The following ZNF652 variants were observed in gnomAD, a reference collection of about 807,000 sequenced individuals.
ZNF652 encodes zinc finger protein 652.
ZNF652 carries 16 observed loss-of-function variants against 45.2 expected under a neutral mutation model. The ratio of observed to expected loss-of-function variants is 0.35; its 90% CI spans 0.24 to 0.54. ZNF652 has a LOEUF of 0.54. Ranked by LOEUF, ZNF652 falls within the 20% of genes least tolerant of loss-of-function variation. The pLI is 0.91. For synonymous variants in ZNF652, 250 were observed against 260.6 expected, an observed-to-expected ratio of 0.96 and a Z score of 0.39; for missense variants, 614 against 765.6, an observed-to-expected ratio of 0.80 and a Z score of 2.34.
rs2069391919 is a variant in ZNF652 at position 49,290,549 on chromosome 17, C to T, written c.*7864G>A. Reference sequence around the variant, plus strand: ...CAGAGTTCCCCCAGTGCTCTTGTTCCTCCTATAGATGTGATGGTGGTGGCC... The same window carrying T: ...CAGAGTTCCCCCAGTGCTCTTGTTCTTCCTATAGATGTGATGGTGGTGGCC... On this transcript the variant is annotated 3_prime_UTR_variant, in exon 6 of 6. Coordinates refer to ENST00000430262, the MANE Select transcript of ZNF652 (RefSeq NM_001145365.3). The T allele has an allele frequency of 6.6e-6, 1 of 152,260 alleles. No individual in the cohort carries two copies. Among genetic ancestry groups the T allele is most frequent in the South Asian group, 2.1e-4 (1 of 4,832 alleles). The allele number at this position is 152,260 out of a possible 1,614,324, so 9.4% of individuals were successfully genotyped here.
intron 5 of ZNF652, among the ~76,000 whole-genome samples, chr17:49,305,310 T>C (rs898875633): frequency 1.3e-5 from 2 of 152,194 alleles, no homozygotes; most frequent in Non-Finnish European, 2.9e-5. Flanking sequence ...TTCGTTGCCA[T>C]TACCATAAAT....
chr17:49,344,374 GA>G (rs1019972327), intron 1 of ZNF652, among the ~76,000 whole-genome samples: 2 of 150,032 alleles, frequency 1.3e-5, no homozygotes, highest in African/African-American at 4.9e-5. Context: ...CAAAAAACAA[GA>G]AAAAAAAATT....
At chr17:49,306,879 A>G (rs2069636648) in intron 5 of ZNF652, among the ~76,000 whole-genome samples, 1 of 151,990 alleles carries the variant, frequency 6.6e-6, no homozygotes, top group African/African-American at 2.4e-5. Flanking sequence ...CAGCCTCTTG[A>G]GTAGCTGGGA....
At chr17:49,327,596 A>T (rs1019543031) in intron 1 of ZNF652, among the ~76,000 whole-genome samples, 1 of 151,136 alleles carries the variant, frequency 6.6e-6, no homozygotes, top group East Asian at 2.0e-4. Flanking sequence ...ATAGCATAGC[A>T]GACCAGGCAC....
intron 1 of ZNF652, among the ~76,000 whole-genome samples, chr17:49,344,443 T>C (rs185359128): frequency 1.3e-5 from 2 of 151,846 alleles, no homozygotes; most frequent in Non-Finnish European, 2.9e-5. Flanking sequence ...TGTTTTTTAA[T>C]ATATATAATA....
Position 49,294,738 on chromosome 17 carries a change from C to A in ZNF652, c.*3675G>T, listed in dbSNP as rs989833929. The A allele has an allele frequency of 6.6e-6, 1 of 152,124 alleles. No individual in the cohort carries two copies. Among genetic ancestry groups the A allele is most frequent in the Admixed American group, 6.5e-5 (1 of 15,282 alleles). The allele number at this position is 152,124 out of a possible 1,614,324, so 9.4% of individuals were successfully genotyped here. A position where few individuals can be genotyped will look rare whatever the true frequency, so the allele number is the denominator to read the frequency against. ...GTCTTAACCCTAGCAATGATACAAG[C>A]CTTTGAAGACAGTAAAACTAAGTAA... On this transcript the variant is annotated 3_prime_UTR_variant, in exon 6 of 6. Transcript: ENST00000430262.
intron 5 of ZNF652, among the ~76,000 whole-genome samples, chr17:49,303,105 T>C (rs960622988): frequency 2.0e-5 from 3 of 152,044 alleles, no homozygotes; most frequent in African/African-American, 7.2e-5. Context: ...GCAGGGCAGA[T>C]TGCTTGAGCC....
At chr17:49,304,653 C>T (rs2143728782) in intron 5 of ZNF652, among the ~76,000 whole-genome samples, 1 of 152,160 alleles carries the variant, frequency 6.6e-6, no homozygotes, top group African/African-American at 2.4e-5. Flanking sequence ...CTAACTATAT[C>T]ACCTAACTGT....
Position 49,297,854 on chromosome 17 carries a change from G to A in ZNF652, c.*559C>T, listed in dbSNP as rs2069496573. The stretch of plus-strand genomic sequence containing the variant: ...CAAAAACTCTAAAATAATTTCTGTA[G>A]TAAAATAAAGAGTGCGTTAGGAGAG... On this transcript the variant is annotated 3_prime_UTR_variant, in exon 6 of 6. Coordinates refer to ENST00000430262, the MANE Select transcript of ZNF652 (RefSeq NM_001145365.3). The A allele has an allele frequency of 2.0e-5, 3 of 152,688 alleles. No individual in the cohort carries two copies. Among genetic ancestry groups the A allele is most frequent in the Non-Finnish European group, 4.4e-5 (3 of 68,154 alleles). 9.5% of individuals were successfully genotyped at this position (152,688 alleles called of 1,614,324 possible).
intron 1 of ZNF652, among the ~76,000 whole-genome samples, chr17:49,335,946 G>A (rs1476523950): frequency 6.6e-6 from 1 of 151,998 alleles, no homozygotes; most frequent in Non-Finnish European, 1.5e-5. Flanking sequence ...TAGTCAGAAA[G>A]CATTTAAGGC....
intron 1 of ZNF652, among the ~76,000 whole-genome samples, chr17:49,347,425 C>T (rs111827618): frequency 6.6e-6 from 1 of 151,914 alleles, no homozygotes; most frequent in African/African-American, 2.4e-5. Context: ...ACTAGCTGGG[C>T]GTGATGGCAC....
chr17:49,299,595 G>C (rs1598280729), intron 5 of ZNF652, among the ~76,000 whole-genome samples: 1 of 151,844 alleles, frequency 6.6e-6, no homozygotes, highest in East Asian at 1.9e-4. Context: ...TGGCCAGGCT[G>C]GTCTCGAACT....
chr17:49,336,758 C>G (rs1192757524), intron 1 of ZNF652, among the ~76,000 whole-genome samples: 2 of 151,712 alleles, frequency 1.3e-5, no homozygotes, highest in Non-Finnish European at 2.9e-5. Context: ...TCCTGAGTTG[C>G]CGGGATTACA....
rs1175161824 is a variant in ZNF652, at chr17:49,327,760, TATATATATATATATATATA to T, written c.-258-9796_-258-9778del. On this transcript the variant is annotated intron_variant, in intron 1 of 5. Coordinates refer to ENST00000430262, the MANE Select transcript of ZNF652 (RefSeq NM_001145365.3). Reference sequence around the variant, plus strand: ...ATATATATATATATATATATATATATATATATATATATATATATATTTTTTTTTTTTTTTTTTAGTAGAG... The same window carrying T: ...ATATATATATATATATATATATATATTTTTTTTTTTTTTTTTTTAGTAGAG... 4.2e-3 allele frequency among the ~76,000 whole-genome samples: 22 copies of T among 5,180 alleles called. 1 individual carries two copies. The highest frequency in any genetic ancestry group is 0.016 in the African/African-American group (14 of 864). The allele number at this position is 5,180 out of a possible 152,430, so 3.4% of individuals were successfully genotyped here.
chr17:49,315,268 T>G (rs979937056), intron 2 of ZNF652, among the ~76,000 whole-genome samples: 8 of 148,650 alleles, frequency 5.4e-5, no homozygotes, highest in Non-Finnish European at 1.2e-4. Context: ...CTCGAACTCC[T>G]GACCTCACGT....
In ZNF652 at chr17:49,293,589, G is replaced by A. The variant is rs2069431683; in HGVS notation, c.*4824C>T. ...TAAGTGCTACAGATGACAAAAGCAG[G>A]TTAGCTAGGGTGTTGTTATTGCATA... On this transcript the variant is annotated 3_prime_UTR_variant, in exon 6 of 6. Transcript: ENST00000430262. Among the ~76,000 whole-genome samples the A allele has an allele frequency of 6.9e-6, 1 of 145,160 alleles. No individual in the cohort carries two copies. The highest frequency in any genetic ancestry group is 2.6e-5 in the African/African-American group (1 of 39,084).
intron 1 of ZNF652, among the ~76,000 whole-genome samples, chr17:49,319,065 G>C (rs1411478320): frequency 6.6e-6 from 1 of 151,944 alleles, no homozygotes; most frequent in African/African-American, 2.4e-5. Context: ...ATGGTTCCAA[G>C]AAAAATAAAA....
intron 5 of ZNF652, among the ~76,000 whole-genome samples, chr17:49,306,819 C>G (rs1368915816): frequency 6.6e-6 from 1 of 152,166 alleles, no homozygotes; most frequent in Non-Finnish European, 1.5e-5. Flanking sequence ...GTGGCGCGAT[C>G]TCAGCTCACT....
At chr17:49,341,488 A>AC (rs1489833844) in intron 1 of ZNF652, among the ~76,000 whole-genome samples, 4 of 93,076 alleles carry the variant, frequency 4.3e-5, no homozygotes, top group African/African-American at 1.9e-4. Context: ...CCTCATCTCT[A>AC]CAAAAAAAAA....
Sources: allele counts gnomAD v4.1 joint callset (sites outside exome capture counted in the v4.1 genomes callset), GRCh38; gene constraint gnomAD v4.1.1; transcripts MANE v1.5; gene names NCBI Gene and HGNC (gene_info 2026-07-23, HGNC 2026-07-21).